Variants in GRHL2 observed in about 807,000 individuals in gnomAD.
GRHL2 encodes grainyhead-like protein 2 homolog.
In GRHL2, 21 loss-of-function variants were observed where a neutral mutation model predicts 83.8. The ratio of observed to expected loss-of-function variants is 0.25; its 90% CI spans 0.18 to 0.36. The LOEUF is 0.36. Among genes scored for constraint, GRHL2 ranks in the 10% least tolerant of loss-of-function variants. The pLI is 1.00. For synonymous variants in GRHL2, 280 were observed against 278.9 expected (o/e 1.00, Z -0.04); for missense variants, 623 against 781.8 (o/e 0.80, Z 2.42).
At chr8:101,493,573 C>T (rs1418479023) in intron 1 of GRHL2, among the ~76,000 whole-genome samples, 1 of 152,160 alleles carries the variant, frequency 6.6e-6, no homozygotes, top group African/African-American at 2.4e-5. Flanking sequence ...CGAAGGGGCG[C>T]CTGCCACTGA....
In GRHL2 at chr8:101,624,438, G is replaced by A. The variant is rs546796148; in HGVS notation, c.1257+4741G>A. 3.3e-5 allele frequency among the ~76,000 whole-genome samples: 5 copies of A among 151,624 alleles called. No individual in the cohort carries two copies. The East Asian group carries it at 9.8e-4, about 30-fold the overall frequency. On this transcript the variant is annotated intron_variant, in intron 9 of 15. Transcript: ENST00000646743. ...ACATTACACAGTAGGACAGTACACAGTAGGACAGTTTACAGTACACAGTAG... is the reference window on the plus strand; with the variant it reads ...ACATTACACAGTAGGACAGTACACAATAGGACAGTTTACAGTACACAGTAG...
intron 9 of GRHL2, 29 bp downstream of exon 9, chr8:101,619,726 G>A (rs1188439240): frequency 6.4e-7 from 1 of 1,567,070 alleles, no homozygotes; most frequent in African/African-American, 1.4e-5. Context: ...TTTTTATAAA[G>A]GTATCTTTTT....
intron 1 of GRHL2, among the ~76,000 whole-genome samples, chr8:101,508,601 GC>G (rs563877376): frequency 2.1e-4 from 32 of 152,154 alleles, no homozygotes; most frequent in Non-Finnish European, 4.0e-4. Flanking sequence ...CCAATTCACA[GC>G]CCTCATTCCT....
intron 8 of GRHL2, among the ~76,000 whole-genome samples, chr8:101,607,519 A>G (rs550849835): frequency 1.4e-4 from 21 of 152,344 alleles, no homozygotes; most frequent in Non-Finnish European, 2.8e-4. Context: ...CATGATTAAG[A>G]AAAAGTTATA....
chr8:101,546,814 G>T (rs1045763079), intron 2 of GRHL2, among the ~76,000 whole-genome samples: 1 of 152,264 alleles, frequency 6.6e-6, no homozygotes, highest in Admixed American at 6.5e-5. Context: ...AGTAAATATG[G>T]TACCCAGATT....
chr8:101,652,839 C>A (rs572823037), intron 14 of GRHL2, among the ~76,000 whole-genome samples: 4 of 152,166 alleles, frequency 2.6e-5, no homozygotes, highest in African/African-American at 9.6e-5. Context: ...CTGCCTGGCC[C>A]CTGGTATATA....
intron 4 of GRHL2, among the ~76,000 whole-genome samples, chr8:101,565,822 A>G (rs1317443398): frequency 6.6e-6 from 1 of 152,212 alleles, no homozygotes; most frequent in Non-Finnish European, 1.5e-5. Flanking sequence ...GGACAGCTCT[A>G]CTGTGTATTT....
intron 7 of GRHL2, among the ~76,000 whole-genome samples, chr8:101,586,089 T>TTG (rs1554589175): frequency 1.6e-3 from 222 of 136,446 alleles, no homozygotes; most frequent in Non-Finnish European, 2.6e-3. Context: ...TTTTTTTTTT[T>TTG]TGAGACGGAG....
chr8:101,508,388 GTTT>G (rs4002328), intron 1 of GRHL2, among the ~76,000 whole-genome samples: 2 of 139,602 alleles, frequency 1.4e-5, no homozygotes, highest in Non-Finnish European at 3.0e-5. Flanking sequence ...ATTTACTCAG[GTTT>G]TTTTTTTTTT....
At chr8:101,614,211 G>T (rs1270694945) in intron 8 of GRHL2, among the ~76,000 whole-genome samples, 1 of 151,064 alleles carries the variant, frequency 6.6e-6, no homozygotes, top group African/African-American at 2.5e-5. Context: ...AATGGGAATT[G>T]TAATTCATAT....
intron 9 of GRHL2, among the ~76,000 whole-genome samples, chr8:101,623,100 A>G (rs766388431): frequency 4.6e-5 from 7 of 152,262 alleles, no homozygotes; most frequent in Non-Finnish European, 8.8e-5. Flanking sequence ...CTGGTTTAGC[A>G]GTGGCAGGAG....
At chr8:101,522,380 G>A (rs1024317916) in intron 1 of GRHL2, among the ~76,000 whole-genome samples, 1 of 152,228 alleles carries the variant, frequency 6.6e-6, no homozygotes, top group East Asian at 1.9e-4. Context: ...ATCTAGAGGT[G>A]ATCTAAAGTA....
chr8:101,528,428 ATT>A (rs35634695), intron 1 of GRHL2, among the ~76,000 whole-genome samples: 5 of 143,718 alleles, frequency 3.5e-5, no homozygotes, highest in Admixed American at 7.0e-5. Flanking sequence ...CTCTTTTCAG[ATT>A]TTTTTTTTTT....
intron 1 of GRHL2, among the ~76,000 whole-genome samples, chr8:101,529,933 T>C (rs1391069747): frequency 6.6e-6 from 1 of 152,186 alleles, no homozygotes; most frequent in Non-Finnish European, 1.5e-5. Flanking sequence ...TTTAAGCTCA[T>C]GTTTTTTGTC....
At chr8:101,551,147 A>G (rs1030904527) in intron 2 of GRHL2, among the ~76,000 whole-genome samples, 13 of 152,206 alleles carry the variant, frequency 8.5e-5, no homozygotes, top group African/African-American at 3.1e-4. Context: ...TCTCATTTCT[A>G]TCCAGTGTTT....
intron 1 of GRHL2, among the ~76,000 whole-genome samples, chr8:101,498,125 T>G (rs1231391140): frequency 6.6e-6 from 1 of 152,186 alleles, no homozygotes; most frequent in Non-Finnish European, 1.5e-5. Flanking sequence ...TTTTATTTAT[T>G]TATTTATTTT....
intron 14 of GRHL2, among the ~76,000 whole-genome samples, chr8:101,661,475 T>C (rs901898971): frequency 3.0e-4 from 46 of 152,220 alleles, no homozygotes; most frequent in African/African-American, 1.1e-3. Flanking sequence ...GATATTTGCC[T>C]GTAACACACA....
intron 7 of GRHL2, among the ~76,000 whole-genome samples, chr8:101,590,590 G>A (rs1430894766): frequency 1.3e-5 from 2 of 152,138 alleles, no homozygotes; most frequent in African/African-American, 2.4e-5. Flanking sequence ...CAAGTTTAGA[G>A]AAGTTGAGTT....
At position 101,612,847 on chromosome 8, in the gene GRHL2, C is replaced by T. The variant is rs114415968; in HGVS notation, c.1099-6692C>T. On this transcript the variant is annotated intron_variant, in intron 8 of 15. Transcript: ENST00000646743. ...TGAGCTTGAGGAAGGCAAGTACCCT[C>T]CTCTTAAGGGCTTTTCAGAATCATG... 2.6e-3 allele frequency among the ~76,000 whole-genome samples: 394 copies of T among 151,030 alleles called. 32 individuals are homozygous for T. Among genetic ancestry groups the T allele is most frequent in the African/African-American group, 9.3e-3 (376 of 40,462 alleles).
Sources: allele counts gnomAD v4.1 joint callset (sites outside exome capture counted in the v4.1 genomes callset), GRCh38; gene constraint gnomAD v4.1.1; transcripts MANE v1.5; gene names NCBI Gene and HGNC (gene_info 2026-07-23, HGNC 2026-07-21).